DDIAS: variants seen among roughly 807,000 people sequenced by gnomAD.
DDIAS encodes DNA damage-induced apoptosis suppressor protein.
A neutral mutation model predicts 15.7 loss-of-function variants in DDIAS; 14 were observed. That is an observed-to-expected ratio of 0.89 (90% CI 0.59 to 1.39). The LOEUF is 1.39. Among genes scored for constraint, DDIAS ranks in the 40% most tolerant of loss-of-function variants. DDIAS has a pLI of 0.00. For missense variants in DDIAS, 1,035 were observed against 1,130.9 expected, an observed-to-expected ratio of 0.92 and a Z score of 1.22; for synonymous variants, 355 against 395.9, an observed-to-expected ratio of 0.90 and a Z score of 1.23.
At chr11:82,929,025 A>G (rs1860928879) in intron 4 of DDIAS, 87 bp downstream of exon 4, 3 of 1,432,990 alleles carry the variant, frequency 2.1e-6, no homozygotes, top group Non-Finnish European at 2.8e-6. Context: ...TTTTGTAGAA[A>G]GATAATCATT....
At chr11:82,924,171 A>C (rs1860810509) in intron 3 of DDIAS, among the ~76,000 whole-genome samples, 1 of 152,176 alleles carries the variant, frequency 6.6e-6, no homozygotes, top group African/African-American at 2.4e-5. Context: ...TAGTTTTCTT[A>C]CTTTGTGGGG....
chr11:82,908,756 C>T (rs943920920), intron 1 of DDIAS, among the ~76,000 whole-genome samples: 2 of 152,202 alleles, frequency 1.3e-5, no homozygotes, highest in African/African-American at 4.8e-5. Flanking sequence ...CAACGAACTT[C>T]GCTCTGCCTT....
intron 3 of DDIAS, among the ~76,000 whole-genome samples, chr11:82,917,515 A>G (rs1235391134): frequency 1.3e-5 from 2 of 152,182 alleles, no homozygotes; most frequent in Non-Finnish European, 1.5e-5. Flanking sequence ...CATCGTGTAT[A>G]TATACCACAG....
At chr11:82,931,711 A>ATTTC in intron 5 of DDIAS, 21 bp from the exon 6 acceptor site, 1 of 1,553,904 alleles carries the variant, frequency 6.4e-7, no homozygotes, top group Non-Finnish European at 8.7e-7. Flanking sequence ...TCTTACTTAA[A>ATTTC]TTTCTTTGCT....
At chr11:82,909,974 C>G (rs1231398152) in intron 1 of DDIAS, among the ~76,000 whole-genome samples, 1 of 152,132 alleles carries the variant, frequency 6.6e-6, no homozygotes, top group African/African-American at 2.4e-5. Context: ...ATTAGTATCA[C>G]TTTAACATCT....
intron 1 of DDIAS, among the ~76,000 whole-genome samples, chr11:82,906,615 G>A (rs1317685711): frequency 6.6e-6 from 1 of 152,068 alleles, no homozygotes; most frequent in African/African-American, 2.4e-5. Context: ...TAACAATTGT[G>A]TAAAGAACAT....
rs78580810 is a variant in DDIAS, at chr11:82,914,102, A to G, written c.-16-621A>G. 2.7e-3 allele frequency: 872 copies of G among 322,060 alleles called. 16 individuals are homozygous for G. The East Asian group carries it at 0.059, about 22-fold the overall frequency. 20.0% of individuals were successfully genotyped at this position (322,060 alleles called of 1,614,324 possible). On this transcript the variant is annotated intron_variant, in intron 2 of 5. Coordinates refer to ENST00000533655, the MANE Select transcript of DDIAS (RefSeq NM_145018.4). ...CAGGCACCCCCCACCATGCTCAGCT[A>G]CTTTTTGTATTTAGTGGAGATGGGG...
intron 3 of DDIAS, among the ~76,000 whole-genome samples, chr11:82,926,366 G>A (rs1860862701): frequency 6.6e-6 from 1 of 151,972 alleles, no homozygotes; most frequent in Admixed American, 6.5e-5. Context: ...TGGGATTACA[G>A]GTGTGAGCCA....
At position 82,928,877 on chromosome 11, in the gene DDIAS, A is replaced by G. The variant is rs779906159; in HGVS notation, c.214A>G (p.Ile72Val). 1 of 1,613,154 alleles carries G rather than the reference A, an allele frequency of 6.2e-7. No homozygotes were observed. The highest frequency in any genetic ancestry group is 2.2e-5 in the East Asian group (1 of 44,778). ...KVAESNKLFV[I>V]TVFGSCLDTF... is the part of the protein sequence containing the mutation. ...TGCAGAATCAAACAAATTGTTTGTT[A>G]TTACTGTATTTGGAAGTTGCTTAGA... The change falls in exon 4 of 6, where the codon ATT (isoleucine) becomes GTT (valine). Residue 72 changes from isoleucine to valine, a missense_variant. Transcript: ENST00000533655.
At chr11:82,922,289 T>C (rs746180405) in intron 3 of DDIAS, among the ~76,000 whole-genome samples, 6 of 152,214 alleles carry the variant, frequency 3.9e-5, no homozygotes, top group Non-Finnish European at 5.9e-5. Context: ...TCCTCAATTA[T>C]TCACCCAAAT....
intron 4 of DDIAS, among the ~76,000 whole-genome samples, chr11:82,929,580 G>A (rs112929786): frequency 2.6e-5 from 4 of 151,876 alleles, no homozygotes; most frequent in African/African-American, 7.2e-5. Context: ...GTGGGCGCCT[G>A]TAGTCCCAGC....
At chr11:82,914,122 A>T (rs1051926926) in intron 2 of DDIAS, 4 of 301,520 alleles carry the variant, frequency 1.3e-5, no homozygotes, top group Non-Finnish European at 2.6e-5. Flanking sequence ...TTTAGTGGAG[A>T]TGGGGTTTCA....
chr11:82,928,583 T>G (rs1415062426), intron 3 of DDIAS, among the ~76,000 whole-genome samples, 194 bp from the exon 4 acceptor site: 2 of 152,166 alleles, frequency 1.3e-5, no homozygotes, highest in Non-Finnish European at 2.9e-5. Flanking sequence ...GCTGTTTAAT[T>G]TAAATCAGTA....
chr11:82,924,756 A>G (rs1860823385), intron 3 of DDIAS, among the ~76,000 whole-genome samples: 1 of 152,150 alleles, frequency 6.6e-6, no homozygotes, highest in Non-Finnish European at 1.5e-5. Context: ...TCAAGGCTTC[A>G]GTGAGCCAAG....
intron 3 of DDIAS, among the ~76,000 whole-genome samples, chr11:82,926,407 T>A (rs1441998136): frequency 6.6e-6 from 1 of 151,720 alleles, no homozygotes; most frequent in Non-Finnish European, 1.5e-5. Flanking sequence ...TATTTTTGAA[T>A]AAAAAAAATA....
rs778282637 is a variant in DDIAS at position 82,933,986 on chromosome 11, T to C, written c.2648T>C (p.Ile883Thr). Residue 883 changes from isoleucine to threonine, a missense_variant, in exon 6 of 6, where the codon ATA (isoleucine) becomes ACA (threonine). Coordinates refer to ENST00000533655, the MANE Select transcript of DDIAS (RefSeq NM_145018.4). ...TCAGATATGCTTGGATTCCAAGGCA[T>C]AGGTCTAGGGAAATGCCTTGCTGCC... ...FPSDMLGFQG[I>T]GLGKCLAAYH... is the part of the protein sequence containing the mutation. 1.4e-5 allele frequency: 22 copies of C among 1,613,142 alleles called. No homozygotes were observed. The highest frequency in any genetic ancestry group is 1.9e-5 in the Non-Finnish European group (22 of 1,179,796).
rs1370400504 is a variant in DDIAS at position 82,932,470 on chromosome 11, A to T, written c.1132A>T (p.Ile378Leu). 1.9e-6 allele frequency: 3 copies of T among 1,614,236 alleles called. No homozygotes were observed. Among genetic ancestry groups the T allele is most frequent in the Non-Finnish European group, 2.5e-6 (3 of 1,180,042 alleles). The change falls in exon 6 of 6, where the codon ATA becomes TTA. Residue 378 changes from isoleucine to leucine, a missense_variant. Physicochemically the swap from Ile to Leu is conservative, Grantham distance 5 (BLOSUM62 2). Transcript: ENST00000533655. ...GCTACCATGTTTTCAGCATCATGGT[A>T]TAGATACCCCAACTAGCCTTCAGAA... Reference protein sequence around the residue: ...HELPCFQHHGIDTPTSLQKRS... With the variant: ...HELPCFQHHGLDTPTSLQKRS...
At chr11:82,929,073 G>C (rs1396284385) in intron 4 of DDIAS, 135 bp downstream of exon 4, 1 of 956,506 alleles carries the variant, frequency 1.0e-6, no homozygotes, top group Admixed American at 3.0e-5. Context: ...AGACAAGCAA[G>C]TAAGAAAGAT....
In DDIAS at chr11:82,933,566, G is replaced by A. The variant is rs1480575125; in HGVS notation, c.2228G>A (p.Arg743Lys). ...KLSLQSLSDS[R>K]HSRTCSPTPH... ...TCCTTGCAAAGCCTATCTGACTCTA[G>A]GCATTCAAGAACATGCTCTCCAACA... is the stretch of plus-strand genomic sequence containing the variant. The change falls in exon 6 of 6, where the codon AGG becomes AAG. Residue 743 changes from arginine (R) to lysine (K), a missense_variant. Coordinates refer to ENST00000533655, the MANE Select transcript of DDIAS (RefSeq NM_145018.4). The A allele has an allele frequency of 9.9e-6, 16 of 1,613,844 alleles. No homozygotes were observed. Among genetic ancestry groups the A allele is most frequent in the Non-Finnish European group, 1.4e-5 (16 of 1,179,968 alleles).
Sources: allele counts gnomAD v4.1 joint callset (sites outside exome capture counted in the v4.1 genomes callset), GRCh38; gene constraint gnomAD v4.1.1; transcripts MANE v1.5; gene names NCBI Gene and HGNC (gene_info 2026-07-23, HGNC 2026-07-21).